The following SLC16A10 variants were observed in gnomAD, a reference collection of about 807,000 sequenced individuals.
SLC16A10 encodes solute carrier family 16 member 10.
A neutral mutation model predicts 40.0 loss-of-function variants in SLC16A10; 27 were observed. The observed-to-expected ratio is 0.67, with a 90% CI of 0.50 to 0.93. The LOEUF is 0.93. Among genes scored for constraint, SLC16A10 ranks in the 40% least tolerant of loss-of-function variants. SLC16A10 has a pLI of 0.00. For synonymous variants in SLC16A10, 213 were observed against 249.8 expected, an observed-to-expected ratio of 0.85 and a Z score of 1.39; for missense variants, 529 against 658.2, an observed-to-expected ratio of 0.80 and a Z score of 2.15.
At chr6:111,129,895 T>C (rs891107078) in intron 1 of SLC16A10, among the ~76,000 whole-genome samples, 1 of 151,720 alleles carries the variant, frequency 6.6e-6, no homozygotes, top group Non-Finnish European at 1.5e-5. Context: ...TTCAAAGTGA[T>C]TTTTTTTTAA....
At chr6:111,167,938 G>A (rs371667658) in intron 1 of SLC16A10, among the ~76,000 whole-genome samples, 1 of 151,480 alleles carries the variant, frequency 6.6e-6, no homozygotes, top group South Asian at 2.1e-4. Flanking sequence ...GCCTCCCAAA[G>A]TGCTGGGATT....
rs1437743498 is a variant in SLC16A10, at chr6:111,142,847, C to G, written c.344-29848C>G. Among the ~76,000 whole-genome samples the G allele has an allele frequency of 2.0e-5, 3 of 152,312 alleles. No individual in the cohort carries two copies. In the East Asian group the frequency reaches 5.8e-4, roughly 29 times the overall value. ...AAATTAAACACACTCATCATATGAT[C>G]CAACAATTGCAGTCCTTGATATTTA... On this transcript the variant is annotated intron_variant, in intron 1 of 5. Transcript: ENST00000368851.
chr6:111,219,078 C>A (rs1770838864), intron 5 of SLC16A10, 36 bp downstream of exon 5: 2 of 1,558,388 alleles, frequency 1.3e-6, no homozygotes, highest in Admixed American at 1.7e-5. Flanking sequence ...TATATTAATT[C>A]ATAGTATTTT....
chr6:111,124,089 C>G (rs1301801076), intron 1 of SLC16A10, among the ~76,000 whole-genome samples: 7 of 152,198 alleles, frequency 4.6e-5, no homozygotes, highest in Admixed American at 3.9e-4. Context: ...GAGAAGATTG[C>G]TCTAAATCCA....
chr6:111,119,524 T>C (rs528640559), intron 1 of SLC16A10, among the ~76,000 whole-genome samples: 5 of 152,344 alleles, frequency 3.3e-5, no homozygotes, highest in African/African-American at 9.6e-5. Flanking sequence ...TGTACAAAAA[T>C]GAGCAGTGGA....
At chr6:111,220,852 A>T (rs1353524455) in intron 5 of SLC16A10, among the ~76,000 whole-genome samples, 1 of 152,208 alleles carries the variant, frequency 6.6e-6, no homozygotes, top group East Asian at 1.9e-4. Flanking sequence ...CCACACAGCA[A>T]CTGGCAGCAG....
At chr6:111,152,072 T>A (rs1772182065) in intron 1 of SLC16A10, among the ~76,000 whole-genome samples, 1 of 152,202 alleles carries the variant, frequency 6.6e-6, no homozygotes, top group Non-Finnish European at 1.5e-5. Context: ...CCTCAGTAAC[T>A]ACTCCTGGGG....
intron 1 of SLC16A10, among the ~76,000 whole-genome samples, chr6:111,107,928 TTCTCCACCAGGACAA>T (rs1353769454): frequency 6.6e-6 from 1 of 152,064 alleles, no homozygotes; most frequent in African/African-American, 2.4e-5. Flanking sequence ...CAGAGAGTCC[TTCTCCACCAGGACAA>T]TGTTCCCGGT....
chr6:111,099,294 A>G (rs1771130430), intron 1 of SLC16A10, among the ~76,000 whole-genome samples: 1 of 152,144 alleles, frequency 6.6e-6, no homozygotes, highest in Non-Finnish European at 1.5e-5. Flanking sequence ...TTAAATCCAG[A>G]GTTGATAAAT....
chr6:111,217,035 A>T (rs1475841073), intron 4 of SLC16A10, among the ~76,000 whole-genome samples: 1 of 152,184 alleles, frequency 6.6e-6, no homozygotes, highest in Non-Finnish European at 1.5e-5. Context: ...GGGCCTAGGA[A>T]AAACAGAACA....
At chr6:111,203,303 A>G (rs1231971389) in intron 3 of SLC16A10, among the ~76,000 whole-genome samples, 1 of 152,222 alleles carries the variant, frequency 6.6e-6, no homozygotes, top group Admixed American at 6.5e-5. Context: ...GAGATCCAGC[A>G]TCACCAGATT....
At chr6:111,164,991 C>A (rs1257291951) in intron 1 of SLC16A10, among the ~76,000 whole-genome samples, 4 of 152,074 alleles carry the variant, frequency 2.6e-5, no homozygotes, top group African/African-American at 9.7e-5. Context: ...TTATTTTTCT[C>A]TAAGCCAATT....
intron 3 of SLC16A10, among the ~76,000 whole-genome samples, chr6:111,201,232 T>G (rs923838322): frequency 1.3e-5 from 2 of 152,166 alleles, no homozygotes; most frequent in African/African-American, 4.8e-5. Context: ...AGATGATGAC[T>G]GGGTGACTGA....
intron 3 of SLC16A10, among the ~76,000 whole-genome samples, chr6:111,177,897 G>A (rs1772715896): frequency 6.6e-6 from 1 of 152,110 alleles, no homozygotes; most frequent in Non-Finnish European, 1.5e-5. Flanking sequence ...TGCAAACCCA[G>A]CCAGACACCA....
intron 1 of SLC16A10, among the ~76,000 whole-genome samples, chr6:111,141,889 A>G (rs1771989483): frequency 6.6e-6 from 1 of 152,232 alleles, no homozygotes; most frequent in South Asian, 2.1e-4. Context: ...TTATCTATAG[A>G]TTCAGTACAC....
chr6:111,112,417 TG>T (rs140085991), intron 1 of SLC16A10, among the ~76,000 whole-genome samples: 15,344 of 152,280 alleles, frequency 0.1, 1,017 homozygotes, highest in Middle Eastern at 0.17. Flanking sequence ...TCTAACTATT[TG>T]GTTGTAATTA....
At position 111,224,803 on chromosome 6, in the gene SLC16A10, A is replaced by G. The variant is rs1770961275; in HGVS notation, c.*2568A>G. 6.6e-6 allele frequency: 1 copy of G among 152,210 alleles called. No homozygotes were observed. 9.4% of individuals were successfully genotyped at this position (152,210 alleles called of 1,614,324 possible). On this transcript the variant is annotated 3_prime_UTR_variant, in exon 6 of 6. Transcript: ENST00000368851. ...AAACTAAATCCTTTCTAATTTCTGAATGAAGTGTTACTGCTGCAATAAAGT... is the reference window on the plus strand; with the variant it reads ...AAACTAAATCCTTTCTAATTTCTGAGTGAAGTGTTACTGCTGCAATAAAGT...
At chr6:111,161,826 C>T (rs991532367) in intron 1 of SLC16A10, among the ~76,000 whole-genome samples, 2 of 152,004 alleles carry the variant, frequency 1.3e-5, no homozygotes, top group African/African-American at 4.8e-5. Context: ...TGGTCAGCTT[C>T]TTTGGTCTTA....
chr6:111,126,491 A>T (rs573863787), intron 1 of SLC16A10, among the ~76,000 whole-genome samples: 1 of 152,160 alleles, frequency 6.6e-6, no homozygotes, highest in Admixed American at 6.5e-5. Context: ...CGTCATATTC[A>T]TGCTACTACT....
Sources: gnomAD v4.1 joint callset for allele counts (sites outside exome capture counted in the v4.1 genomes callset) on GRCh38, gnomAD v4.1.1 for gene constraint, MANE v1.5 for transcripts, NCBI Gene and HGNC (gene_info 2026-07-23, HGNC 2026-07-21) for gene names.